Variants in CFAP65 observed in about 807,000 individuals in gnomAD.
CFAP65 encodes the protein cilia- and flagella-associated protein 65.
Under a neutral mutation model 208.0 loss-of-function variants are expected in CFAP65, and 155 were observed. The ratio of observed to expected loss-of-function variants is 0.75; its 90% confidence interval spans 0.65 to 0.85. CFAP65 has a LOEUF of 0.85. Ranked by LOEUF, CFAP65 falls within the 40% of genes least tolerant of loss-of-function variation. The probability of loss-of-function intolerance (pLI) is 0.00; values close to 1 mark genes in which losing one functional copy is unlikely to be tolerated. For synonymous variants in CFAP65, 970 were observed against 986.3 expected (o/e 0.98, Z 0.31); for missense variants, 2,294 against 2,451.3 (o/e 0.94, Z 1.36).
chr2:219,029,685 G>A lies in CFAP65; in HGVS notation c.1385-17C>T, dbSNP rs911157826. The A allele has an allele frequency of 6.2e-7, 1 of 1,608,156 alleles. No homozygotes were observed. Among genetic ancestry groups the A allele is most frequent in the Admixed American group, 1.7e-5 (1 of 59,842 alleles). Reference sequence around the variant, plus strand: ...CAGCAGGGCCTGGACACAGGAGATGGGGTATCAGCTTCCCCAAGGATATCT... The same window carrying A: ...CAGCAGGGCCTGGACACAGGAGATGAGGTATCAGCTTCCCCAAGGATATCT... On this transcript the variant is annotated splice_polypyrimidine_tract_variant and intron_variant, in intron 10 of 34. Transcript: ENST00000341552.
intron 21 of CFAP65, chr2:219,014,287 G>T (rs1184744224): frequency 5.4e-6 from 2 of 369,130 alleles, no homozygotes; most frequent in Non-Finnish European, 9.7e-6. Context: ...GAAGAGTGGG[G>T]CTCCCACTGT....
At chr2:219,008,563 G>A (rs1462202331) in intron 29 of CFAP65, among the ~76,000 whole-genome samples, 3 of 152,056 alleles carry the variant, frequency 2.0e-5, no homozygotes. Flanking sequence ...TGGCCAACAT[G>A]GTGAAACCCC....
rs1380742868 is a variant in CFAP65 at position 219,004,699 on chromosome 2, A to G, written c.5052-244T>C. Among the ~76,000 whole-genome samples the G allele has an allele frequency of 6.6e-6, 1 of 152,064 alleles. No homozygotes were observed. The highest frequency in any genetic ancestry group is 1.5e-5 in the Non-Finnish European group (1 of 67,992). On this transcript the variant is annotated intron_variant, in intron 32 of 34. Transcript: ENST00000341552. This position sits in a 1 kb window ranked among gnomAD's most constrained non-coding sequence, Gnocchi z 4.7. ...CAGATTCACACACATGATGGGCAGG[A>G]ACCCTGGGGAGATAGTGGACTGGCT...
chr2:219,013,913 C>T lies in CFAP65; in HGVS notation c.3734G>A (p.Gly1245Glu). 1.2e-6 allele frequency: 2 copies of T among 1,613,654 alleles called. No homozygotes were observed. The highest frequency in any genetic ancestry group is 2.2e-5 in the South Asian group (2 of 91,012). ...NCLFSISPKA[G>E]SLSPGQEQMV... ...CTGCTCCTGCCCAGGACTCAGGCTC[C>T]CAGCCTTGGGGCTGATGGAGAAGAG... The change falls in exon 22 of 35, where the codon GGG becomes GAG. Residue 1245 changes from glycine to glutamate, a missense_variant. This residue lies in a region of CFAP65 where 1,427 missense variants were observed against 1,438.7 expected (regional missense o/e 0.99). Transcript: ENST00000341552.
At chr2:219,022,135 C>T (rs374082414) in intron 17 of CFAP65, 36 bp downstream of exon 17, 3 of 1,532,392 alleles carry the variant, frequency 2.0e-6, no homozygotes, top group African/African-American at 1.4e-5. Flanking sequence ...CCGGGCCTCT[C>T]CCCCAGCCCC....
chr2:219,011,212 A>G (rs1049671758), intron 24 of CFAP65, among the ~76,000 whole-genome samples: 1 of 149,142 alleles, frequency 6.7e-6, no homozygotes, highest in Non-Finnish European at 1.5e-5. Context: ...TTTGTAAAGG[A>G]GTAGCTTATT....
chr2:219,033,924 A>G (rs1010607970), intron 5 of CFAP65: 2 of 152,224 alleles, frequency 1.3e-5, no homozygotes, highest in African/African-American at 2.4e-5. Context: ...TGCCAAGATC[A>G]CTGAACATAA....
At position 219,038,447 on chromosome 2, in the gene CFAP65, G is replaced by A; in HGVS notation, c.285C>T (p.Ala95=). The A allele has an allele frequency of 3.7e-6, 6 of 1,614,058 alleles. No homozygotes were observed. The highest frequency in any genetic ancestry group is 5.1e-6 in the Non-Finnish European group (6 of 1,180,028). ...TGATGGCAGGGATGGCCACTGTGCTGGCACTCAGGCAGGATCCACCAGAGT... is the reference window on the plus strand; with the variant it reads ...TGATGGCAGGGATGGCCACTGTGCTAGCACTCAGGCAGGATCCACCAGAGT... The part of the protein sequence containing the change: ...TVNSGGSCLS[A]STVAIPAIND... The change falls in exon 4 of 35, where the codon GCC becomes GCT. Residue 95 remains alanine (A), a synonymous_variant. Transcript: ENST00000341552.
rs1282383432 is a variant in CFAP65 at position 219,027,859 on chromosome 2, C to T, written c.2002G>A (p.Ala668Thr). 6.3e-7 allele frequency: 1 copy of T among 1,578,036 alleles called. No individual in the cohort carries two copies. Among genetic ancestry groups the T allele is most frequent in the African/African-American group, 1.3e-5 (1 of 74,232 alleles). Residue 668 changes from alanine to threonine, a missense_variant, in exon 13 of 35, where the codon GCC becomes ACC. Coordinates refer to ENST00000341552, the MANE Select transcript of CFAP65 (RefSeq NM_194302.4). ...VDFGACPGPEAPNPVPLCLMN... is the reference protein window; with the variant it reads ...VDFGACPGPETPNPVPLCLMN... Reference sequence around the variant, plus strand: ...AGGCACAGGGGTACAGGGTTGGGGGCCTCAGGCCCTGGGCAGGCACCGAAG... The same window carrying T: ...AGGCACAGGGGTACAGGGTTGGGGGTCTCAGGCCCTGGGCAGGCACCGAAG...
chr2:219,016,987 G>A (rs896862893), intron 21 of CFAP65, among the ~76,000 whole-genome samples: 1 of 152,204 alleles, frequency 6.6e-6, no homozygotes, highest in Non-Finnish European at 1.5e-5. Flanking sequence ...GCCTTTTCCC[G>A]CGAGGCTGTA....
chr2:219,013,580 A>G lies in CFAP65; in HGVS notation c.3785T>C (p.Leu1262Pro), dbSNP rs939844970. ...TGGGAGGTGATCAGTACCGATGAAC[A>G]GGTGGCTAGAAAGAAACAGATAAGT... ...EQMVELKYSH[L>P]FIGTDHLPVL... The change falls in exon 23 of 35, where the codon CTG becomes CCG. Residue 1262 changes from leucine (L) to proline (P), a missense_variant. Leu to Pro is a moderately conservative substitution (Grantham distance 98). This residue lies in a region of CFAP65 where 1,427 missense variants were observed against 1,438.7 expected (regional missense o/e 0.99). Transcript: ENST00000341552. 2 of 1,598,430 alleles carry G rather than the reference A, an allele frequency of 1.3e-6. No homozygotes were observed. The highest frequency in any genetic ancestry group is 1.7e-6 in the Non-Finnish European group (2 of 1,174,040).
At chr2:219,026,876 A>T (rs1947666527) in intron 13 of CFAP65, 1 of 986,502 alleles carries the variant, frequency 1.0e-6, no homozygotes, top group African/African-American at 1.7e-5. Flanking sequence ...CTGCCAGAGC[A>T]TTAGGACGGG....
intron 21 of CFAP65, chr2:219,014,600 G>A (rs930499901): frequency 2.0e-5 from 3 of 152,488 alleles, no homozygotes; most frequent in African/African-American, 7.2e-5. Flanking sequence ...CAAAACTAGT[G>A]ACAAAGGGTC....
chr2:219,035,826 G>A (rs1028452577), intron 4 of CFAP65, among the ~76,000 whole-genome samples, 162 bp from the exon 5 acceptor site: 1 of 152,110 alleles, frequency 6.6e-6, no homozygotes, highest in Admixed American at 6.6e-5. Flanking sequence ...CTTGGGGATG[G>A]TCTGGAGACA....
Position 219,029,603 on chromosome 2 carries a change from C to A in CFAP65, c.1450G>T (p.Glu484Ter). ...FSWVNLGERSEQPLWIENQSD... is the reference protein window; with the variant it reads ...FSWVNLGERS The stretch of plus-strand genomic sequence containing the variant: ...TGGTTCTCAATCCACAGGGGCTGCT[C>A]GGAGCGCTCCCCAAGGTTGACCCAG... The change falls in exon 11 of 35, where the codon GAG becomes TAG. Residue 484 changes from glutamate (E) to a stop codon, truncating the protein, a stop_gained. Coordinates refer to ENST00000341552, the MANE Select transcript of CFAP65 (RefSeq NM_194302.4). LOFTEE classifies it high-confidence loss of function. The A allele has an allele frequency of 6.2e-7, 1 of 1,614,056 alleles. No individual in the cohort carries two copies. The highest frequency in any genetic ancestry group is 8.5e-7 in the Non-Finnish European group (1 of 1,180,004).
At chr2:219,037,005 T>C (rs1037705894) in intron 4 of CFAP65, among the ~76,000 whole-genome samples, 2 of 152,172 alleles carry the variant, frequency 1.3e-5, no homozygotes, top group African/African-American at 4.8e-5. Flanking sequence ...AAAGGTGACA[T>C]GCATGATGGG....
intron 27 of CFAP65, 92 bp downstream of exon 27, chr2:219,009,850 T>A (rs1559120535): frequency 1.2e-5 from 10 of 835,444 alleles, no homozygotes; most frequent in African/African-American, 4.3e-5. Context: ...TGGGGTGGGA[T>A]GGGATGGAGT....
intron 17 of CFAP65, 97 bp from the exon 18 acceptor site, chr2:219,022,027 C>T (rs1947296500): frequency 1.3e-6 from 2 of 1,560,174 alleles, no homozygotes; most frequent in Admixed American, 1.8e-5. Flanking sequence ...CAAGGAAGGG[C>T]AAGTTTGGGG....
At chr2:219,037,414 AAAC>A (rs1395987834) in intron 4 of CFAP65, among the ~76,000 whole-genome samples, 10 of 152,292 alleles carry the variant, frequency 6.6e-5, no homozygotes, top group Admixed American at 2.0e-4. Flanking sequence ...ACAAACAAAC[AAAC>A]AACAACAACA....
Sources: gnomAD v4.1 joint callset for allele counts (sites outside exome capture counted in the v4.1 genomes callset) on GRCh38, gnomAD v4.1.1 for gene constraint, gnomAD v4.1.1 regional missense constraint, Gnocchi (gnomAD v3.1) non-coding constraint, MANE v1.5 for transcripts, NCBI Gene and HGNC (gene_info 2026-07-23, HGNC 2026-07-21) for gene names.